GRIN2A: variants seen among roughly 807,000 people sequenced by gnomAD.
The protein encoded by GRIN2A is glutamate receptor ionotropic, NMDA 2A.
Under a neutral mutation model 113.4 loss-of-function variants are expected in GRIN2A, and 22 were observed. The observed-to-expected ratio is 0.19, with a 90% CI of 0.14 to 0.28. The LOEUF (loss-of-function observed/expected upper bound fraction) is 0.28. Among genes scored for constraint, GRIN2A ranks in the 10% least tolerant of loss-of-function variants. The pLI, the probability that GRIN2A is intolerant of heterozygous loss-of-function variation, is 1.00. For missense variants in GRIN2A, 1,502 were observed against 1,887.0 expected, an observed-to-expected ratio of 0.80 and a Z score of 3.78; for synonymous variants, 827 against 738.4, an observed-to-expected ratio of 1.12 and a Z score of -1.94.
chr16:10,047,707 A>C (rs1006468525), intron 2 of GRIN2A, among the ~76,000 whole-genome samples: 1 of 152,214 alleles, frequency 6.6e-6, no homozygotes, highest in African/African-American at 2.4e-5. Context: ...GCCAGCATGC[A>C]TGGTGGGTCA....
In GRIN2A at chr16:9,839,310, GGC is replaced by G. The variant is rs540107187; in HGVS notation, c.1651+1335_1651+1336del. On this transcript the variant is annotated intron_variant, in intron 7 of 12. Coordinates refer to ENST00000330684, the MANE Select transcript of GRIN2A (RefSeq NM_001134407.3). ...TTCCATGAAATTTCAACTCTAGCCA[GGC>G]TACCCAATACAGTCCAAGTGCTAGA... is the stretch of plus-strand genomic sequence containing the variant. 1.9e-3 allele frequency among the ~76,000 whole-genome samples: 295 copies of G among 151,868 alleles called. 6 individuals are homozygous for G. The highest frequency in any genetic ancestry group is 0.018 in the Admixed American group (267 of 15,236).
chr16:9,928,895 C>A (rs2044526629), intron 3 of GRIN2A, among the ~76,000 whole-genome samples: 1 of 152,186 alleles, frequency 6.6e-6, no homozygotes, highest in Non-Finnish European at 1.5e-5. Context: ...TGCACCCAAC[C>A]CAGATATATT....
intron 2 of GRIN2A, among the ~76,000 whole-genome samples, chr16:10,151,633 A>G (rs1303307780): frequency 3.3e-5 from 5 of 152,204 alleles, no homozygotes; most frequent in Non-Finnish European, 7.3e-5. Flanking sequence ...CCTTCAAATC[A>G]TATCAGGCTG....
intron 2 of GRIN2A, among the ~76,000 whole-genome samples, chr16:9,985,573 T>A (rs1312293726): frequency 1.3e-5 from 2 of 151,780 alleles, no homozygotes; most frequent in South Asian, 4.1e-4. Context: ...GTATGTTAAA[T>A]GAAATAAGCC....
rs1900652671 is a variant in GRIN2A at position 9,762,959 on chromosome 16, C to T, written c.*190G>A. 1 of 642,538 alleles carries T rather than the reference C, an allele frequency of 1.6e-6. No homozygotes were observed. Among genetic ancestry groups the T allele is most frequent in the Non-Finnish European group, 2.7e-6 (1 of 368,050 alleles). The allele number at this position is 642,538 out of a possible 1,614,324, so 39.8% of individuals were successfully genotyped here. A position where few individuals can be genotyped will look rare whatever the true frequency, so the allele number is the denominator to read the frequency against. On this transcript the variant is annotated 3_prime_UTR_variant, in exon 13 of 13. Coordinates refer to ENST00000330684, the MANE Select transcript of GRIN2A (RefSeq NM_001134407.3). Reference sequence around the variant, plus strand: ...GGTGTCTGCCATGCTCAGCACACACCTCACAAGATTCCTTGAGTGGAAGAT... The same window carrying T: ...GGTGTCTGCCATGCTCAGCACACACTTCACAAGATTCCTTGAGTGGAAGAT...
chr16:9,964,400 G>A (rs1391155119), intron 2 of GRIN2A, among the ~76,000 whole-genome samples: 6 of 152,152 alleles, frequency 3.9e-5, no homozygotes, highest in African/African-American at 1.4e-4. Context: ...ACAATTTAAT[G>A]GGATCAGCCA....
chr16:9,780,117 C>T lies in GRIN2A; in HGVS notation c.2357-11028G>A, dbSNP rs575338809. Among the ~76,000 whole-genome samples the T allele has an allele frequency of 5.3e-5, 8 of 152,276 alleles. No individual in the cohort carries two copies. The South Asian group carries it at 1.0e-3, about 20-fold the overall frequency. On this transcript the variant is annotated intron_variant, in intron 11 of 12. Transcript: ENST00000330684. Reference sequence around the variant, plus strand: ...GCCAGCTTTACCTCTTACAGAAAGTCGAAAAGGAGCACTTGCAAATTGGAG... The same window carrying T: ...GCCAGCTTTACCTCTTACAGAAAGTTGAAAAGGAGCACTTGCAAATTGGAG...
At chr16:10,092,305 C>A (rs899415331) in intron 2 of GRIN2A, among the ~76,000 whole-genome samples, 1 of 152,158 alleles carries the variant, frequency 6.6e-6, no homozygotes, top group Non-Finnish European at 1.5e-5. Flanking sequence ...TTCTTACAGT[C>A]CAAGGAAAAT....
chr16:9,765,659 C>G (rs1410338542), intron 12 of GRIN2A, among the ~76,000 whole-genome samples: 1 of 152,064 alleles, frequency 6.6e-6, no homozygotes, highest in East Asian at 1.9e-4. Context: ...AAAGTAGAGC[C>G]CAAGAGATAG....
chr16:9,932,394 G>A (rs1431762258), intron 3 of GRIN2A, among the ~76,000 whole-genome samples: 2 of 151,746 alleles, frequency 1.3e-5, no homozygotes, highest in Non-Finnish European at 2.9e-5. Context: ...TTTTTTTTGA[G>A]AGACTGGGTC....
intron 2 of GRIN2A, among the ~76,000 whole-genome samples, chr16:10,118,097 G>C (rs2048762973): frequency 6.6e-6 from 1 of 152,196 alleles, no homozygotes. Context: ...AACATCTGTT[G>C]TGGCTGGTGT....
In GRIN2A at chr16:9,756,020, C is replaced by G. The variant is rs1362563501; in HGVS notation, c.*7129G>C. 1 of 221,290 alleles carries G rather than the reference C, an allele frequency of 4.5e-6. No homozygotes were observed. Among genetic ancestry groups the G allele is most frequent in the Non-Finnish European group, 9.1e-6 (1 of 110,456 alleles). 13.7% of individuals were successfully genotyped at this position (221,290 alleles called of 1,614,324 possible). On this transcript the variant is annotated 3_prime_UTR_variant, in exon 13 of 13. Transcript: ENST00000330684. Reference sequence around the variant, plus strand: ...ATTCCATCTGCCTGGCAAAGATAACCAAACATAGACATGAAATAGGAGGAA... The same window carrying G: ...ATTCCATCTGCCTGGCAAAGATAACGAAACATAGACATGAAATAGGAGGAA...
At chr16:10,122,872 C>A (rs1001822384) in intron 2 of GRIN2A, among the ~76,000 whole-genome samples, 2 of 152,142 alleles carry the variant, frequency 1.3e-5, no homozygotes, top group African/African-American at 4.8e-5. Context: ...CGACATACAT[C>A]ATTGGTAAAG....
intron 2 of GRIN2A, among the ~76,000 whole-genome samples, chr16:10,060,237 G>C (rs1477645028): frequency 6.6e-6 from 1 of 152,202 alleles, no homozygotes; most frequent in Non-Finnish European, 1.5e-5. Context: ...CGGGAACAAA[G>C]TCCTCACAGC....
intron 10 of GRIN2A, among the ~76,000 whole-genome samples, chr16:9,813,162 C>T (rs1272694989): frequency 6.6e-6 from 1 of 152,152 alleles, no homozygotes; most frequent in Non-Finnish European, 1.5e-5. Context: ...GATGAAAACA[C>T]AAAGCAGTAA....
chr16:10,039,177 A>G (rs1301873348), intron 2 of GRIN2A, among the ~76,000 whole-genome samples: 1 of 151,938 alleles, frequency 6.6e-6, no homozygotes, highest in Non-Finnish European at 1.5e-5. Context: ...TAGATGATAG[A>G]CAGTGAGTGG....
chr16:9,977,480 T>C (rs1778000097), intron 2 of GRIN2A, among the ~76,000 whole-genome samples: 1 of 152,230 alleles, frequency 6.6e-6, no homozygotes, highest in Admixed American at 6.5e-5. Flanking sequence ...TTTCATTGCA[T>C]GCCATCTGCC....
Position 9,961,189 on chromosome 16 carries a change from C to G in GRIN2A, c.415-22638G>C, listed in dbSNP as rs553657270. 2.8e-4 allele frequency among the ~76,000 whole-genome samples: 43 copies of G among 152,312 alleles called. 1 individual carries two copies. In the South Asian group the frequency reaches 8.5e-3, roughly 30 times the overall value. On this transcript the variant is annotated intron_variant, in intron 2 of 12. Coordinates refer to ENST00000330684, the MANE Select transcript of GRIN2A (RefSeq NM_001134407.3). ...AGCCTCAACCATGTACCAAGAACTA[C>G]TATCTCACTGAAGCTGTGGTCCCGG...
chr16:10,002,532 C>T lies in GRIN2A; in HGVS notation c.415-63981G>A, dbSNP rs143223365. On this transcript the variant is annotated intron_variant, in intron 2 of 12. Coordinates refer to ENST00000330684, the MANE Select transcript of GRIN2A (RefSeq NM_001134407.3). ...AGTCAGTGTAGTCATCTATAGGTAC[C>T]TTCCTCACAGTAAGCCTGGAACTCC... 7.9e-3 allele frequency among the ~76,000 whole-genome samples: 1,202 copies of T among 152,264 alleles called. 14 individuals are homozygous for T. Among genetic ancestry groups the T allele is most frequent in the African/African-American group, 0.027 (1,138 of 41,532 alleles).
Sources: gnomAD v4.1 joint callset for allele counts (sites outside exome capture counted in the v4.1 genomes callset) on GRCh38, gnomAD v4.1.1 for gene constraint, MANE v1.5 for transcripts, NCBI Gene and HGNC (gene_info 2026-07-23, HGNC 2026-07-21) for gene names.